The following ING3 variants were observed in gnomAD, a reference collection of about 807,000 sequenced individuals.
ING3 encodes inhibitor of growth protein 3.
Under a neutral mutation model 64.8 loss-of-function variants are expected in ING3, and 6 were observed. That is an observed-to-expected ratio of 0.09 (90% CI 0.05 to 0.18). ING3 has a LOEUF of 0.18. Among genes scored for constraint, ING3 ranks in the 10% least tolerant of loss-of-function variants. ING3 has a pLI of 1.00. For synonymous variants in ING3, 170 were observed against 173.7 expected (o/e 0.98, Z 0.17); for missense variants, 310 against 489.7 (o/e 0.63, Z 3.46).
chr7:120,960,766 A>T (rs550674839), intron 4 of ING3, among the ~76,000 whole-genome samples: 1 of 152,302 alleles, frequency 6.6e-6, no homozygotes, highest in African/African-American at 2.4e-5. Flanking sequence ...TTTGACTAAC[A>T]CACACAAAAA....
intron 4 of ING3, among the ~76,000 whole-genome samples, chr7:120,958,539 T>G (rs902152455): frequency 6.6e-6 from 1 of 152,192 alleles, no homozygotes; most frequent in Non-Finnish European, 1.5e-5. Flanking sequence ...CTCTGATACT[T>G]CTTGCGTCTA....
chr7:120,955,732 A>G (rs1795836527), intron 4 of ING3, 108 bp downstream of exon 4: 6 of 736,820 alleles, frequency 8.1e-6, no homozygotes, highest in Middle Eastern at 2.5e-4. Context: ...AAACTGAAGT[A>G]TTGCTCTCTT....
intron 7 of ING3, 129 bp from the exon 8 acceptor site, chr7:120,967,805 T>C: frequency 8.1e-7 from 1 of 1,228,486 alleles, no homozygotes; most frequent in East Asian, 2.3e-5. Flanking sequence ...CATTATTCAG[T>C]TGACTTAATG....
At chr7:120,953,268 G>T in intron 2 of ING3, 36 bp from the exon 3 acceptor site, 2 of 1,214,280 alleles carry the variant, frequency 1.6e-6, no homozygotes, top group Non-Finnish European at 2.4e-6. Context: ...ATATGAATTT[G>T]GTCATTTAAT....
At chr7:120,972,399 T>C (rs190166141) in intron 10 of ING3, among the ~76,000 whole-genome samples, 23 of 152,292 alleles carry the variant, frequency 1.5e-4, no homozygotes, top group Admixed American at 1.2e-3. Flanking sequence ...TGTTCCACTA[T>C]CACCCGATAA....
chr7:120,962,229 A>G (rs1795941820), intron 4 of ING3, among the ~76,000 whole-genome samples: 1 of 152,188 alleles, frequency 6.6e-6, no homozygotes, highest in Non-Finnish European at 1.5e-5. Context: ...GCAGTAGTAA[A>G]TAGAAGAAAA....
At chr7:120,955,934 G>A in intron 4 of ING3, 1 of 578,992 alleles carries the variant, frequency 1.7e-6, no homozygotes, top group Non-Finnish European at 3.0e-6. Context: ...GTCTTCTTAA[G>A]GTAGTGTGTT....
chr7:120,956,357 G>T (rs141185906), intron 4 of ING3: 128 of 1,364,102 alleles, frequency 9.4e-5, no homozygotes, highest in Admixed American at 1.9e-4. Flanking sequence ...TAACTTCAGT[G>T]TATAGATTTC....
Position 120,975,606 on chromosome 7 carries a change from T to C in ING3, c.*762T>C, listed in dbSNP as rs976177594. Reference sequence around the variant, plus strand: ...TGTGTTTATTTTTTTGTGCAAGTAATCCTTAAAATTGCAATTGTATTAGGT... The same window carrying C: ...TGTGTTTATTTTTTTGTGCAAGTAACCCTTAAAATTGCAATTGTATTAGGT... On this transcript the variant is annotated 3_prime_UTR_variant, in exon 12 of 12. Transcript: ENST00000315870. 4 of 152,164 alleles carry C rather than the reference T, an allele frequency of 2.6e-5. No homozygotes were observed. The highest frequency in any genetic ancestry group is 9.7e-5 in the African/African-American group (4 of 41,450). 9.4% of individuals were successfully genotyped at this position (152,164 alleles called of 1,614,324 possible). A position where few individuals can be genotyped will look rare whatever the true frequency, so the allele number is the denominator to read the frequency against.
rs749392825 is a variant in ING3 at position 120,974,830 on chromosome 7, A to G, written c.1243A>G (p.Ser415Gly). Residue 415 changes from serine to glycine, a missense_variant, in exon 12 of 12, where the codon AGC becomes GGC. Physicochemically the swap from Ser to Gly is moderately conservative, Grantham distance 56. This residue lies in a region of ING3 where 24 missense variants were observed against 84.1 expected (regional missense o/e 0.29). Transcript: ENST00000315870. ...QCTAAMKRRG[S>G]RHK Reference sequence around the variant, plus strand: ...CACTGCTGCAATGAAGAGAAGAGGCAGCAGACACAAATAAAGGTGGTCCTT... The same window carrying G: ...CACTGCTGCAATGAAGAGAAGAGGCGGCAGACACAAATAAAGGTGGTCCTT... 1 of 1,608,882 alleles carries G rather than the reference A, an allele frequency of 6.2e-7. No individual in the cohort carries two copies. Among genetic ancestry groups the G allele is most frequent in the Non-Finnish European group, 8.5e-7 (1 of 1,176,620 alleles).
chr7:120,964,901 C>T, intron 5 of ING3, 63 bp downstream of exon 5: 2 of 1,309,828 alleles, frequency 1.5e-6, no homozygotes, highest in South Asian at 1.2e-5. Flanking sequence ...GCTGAGAAGA[C>T]CTTGTCCCAC....
At chr7:120,955,657 A>G (rs983539430) in intron 4 of ING3, 33 bp downstream of exon 4, 2 of 1,374,500 alleles carry the variant, frequency 1.5e-6, no homozygotes, top group East Asian at 2.3e-5. Flanking sequence ...CTGTGCCATA[A>G]GTACTTGAAT....
intron 11 of ING3, 88 bp downstream of exon 11, chr7:120,973,331 T>C: frequency 1.1e-6 from 1 of 891,938 alleles, no homozygotes; most frequent in Non-Finnish European, 1.8e-6. Flanking sequence ...TATGGTTTGG[T>C]CTAAGAAAAC....
chr7:120,975,901 G>A lies in ING3; in HGVS notation c.*1057G>A, dbSNP rs988446164. The A allele has an allele frequency of 6.6e-6, 1 of 152,084 alleles. No individual in the cohort carries two copies. Among genetic ancestry groups the A allele is most frequent in the Non-Finnish European group, 1.5e-5 (1 of 68,002 alleles). The allele number at this position is 152,084 out of a possible 1,614,324, so 9.4% of individuals were successfully genotyped here. ...GCTTTTCCTTCAGTCTAAAAGACAT[G>A]AAAGAAGTGTAAGTATAGCAGTTAA... is the stretch of plus-strand genomic sequence containing the variant. On this transcript the variant is annotated 3_prime_UTR_variant, in exon 12 of 12. Transcript: ENST00000315870.
At chr7:120,969,294 G>T in intron 9 of ING3, 90 bp downstream of exon 9, 1 of 899,604 alleles carries the variant, frequency 1.1e-6, no homozygotes, top group Non-Finnish European at 1.6e-6. Flanking sequence ...TTAAAGGCAG[G>T]ATATAACGGA....
chr7:120,971,499 G>T (rs562654979), intron 10 of ING3, among the ~76,000 whole-genome samples: 7 of 152,264 alleles, frequency 4.6e-5, no homozygotes, highest in African/African-American at 1.4e-4. Context: ...TTCATAACAC[G>T]TGTCTATGCA....
intron 3 of ING3, among the ~76,000 whole-genome samples, chr7:120,954,835 T>C (rs891420239): frequency 1.3e-5 from 2 of 152,226 alleles, no homozygotes; most frequent in African/African-American, 2.4e-5. Flanking sequence ...GTGGGAGTTA[T>C]AGAACAACTG....
chr7:120,972,303 T>C (rs934693756), intron 10 of ING3, among the ~76,000 whole-genome samples: 7 of 152,150 alleles, frequency 4.6e-5, no homozygotes, highest in African/African-American at 1.7e-4. Context: ...TTTCTTCACA[T>C]TTAAGACTTA....
chr7:120,951,250 C>T lies in ING3; in HGVS notation c.100+15C>T. On this transcript the variant is annotated intron_variant, in intron 2 of 11. Coordinates refer to ENST00000315870, the MANE Select transcript of ING3 (RefSeq NM_019071.3). ...GCAGGTGCAGAGTAAGTCGGCGCGT[C>T]TACTACTCCTGTTCGCTGCGCGCGT... 1 of 1,613,374 alleles carries T rather than the reference C, an allele frequency of 6.2e-7. No individual in the cohort carries two copies. Among genetic ancestry groups the T allele is most frequent in the African/African-American group, 1.3e-5 (1 of 75,040 alleles).
Sources: allele counts gnomAD v4.1 joint callset (sites outside exome capture counted in the v4.1 genomes callset), GRCh38; gene constraint gnomAD v4.1.1; regional missense constraint gnomAD v4.1.1; transcripts MANE v1.5; gene names NCBI Gene and HGNC (gene_info 2026-07-23, HGNC 2026-07-21).